The following MAP3K5 variants were observed in gnomAD, a reference collection of about 807,000 sequenced individuals.
MAP3K5 encodes the protein ASK-1.
In MAP3K5, 56 loss-of-function variants were observed where a neutral mutation model predicts 158.7. The ratio of observed to expected loss-of-function variants is 0.35; its 90% CI spans 0.28 to 0.44. The LOEUF is 0.44. MAP3K5 is among the 20% of genes least tolerant of loss of function. The probability of loss-of-function intolerance (pLI) is 1.00; values close to 1 mark genes in which losing one functional copy is unlikely to be tolerated. For missense variants in MAP3K5, 1,294 were observed against 1,674.8 expected, an observed-to-expected ratio of 0.77 and a Z score of 3.97; for synonymous variants, 579 against 601.7, an observed-to-expected ratio of 0.96 and a Z score of 0.55.
chr6:136,748,112 T>C (rs941423693), intron 1 of MAP3K5, among the ~76,000 whole-genome samples: 9 of 152,222 alleles, frequency 5.9e-5, no homozygotes, highest in African/African-American at 1.7e-4. Context: ...GAGTCATCTG[T>C]AGAGCTGTGA....
At chr6:136,732,757 A>G (rs1782283482) in intron 1 of MAP3K5, among the ~76,000 whole-genome samples, 1 of 152,226 alleles carries the variant, frequency 6.6e-6, no homozygotes, top group African/African-American at 2.4e-5. Context: ...TTACAACTAC[A>G]GCAACAGAAG....
chr6:136,709,586 A>G (rs1472902602), intron 2 of MAP3K5, among the ~76,000 whole-genome samples: 3 of 152,184 alleles, frequency 2.0e-5, no homozygotes, highest in South Asian at 4.1e-4. Flanking sequence ...GTACTGAGTG[A>G]GCAGAAGGCT....
chr6:136,571,378 A>G (rs1431479681), intron 25 of MAP3K5, among the ~76,000 whole-genome samples: 1 of 152,198 alleles, frequency 6.6e-6, no homozygotes, highest in Non-Finnish European at 1.5e-5. Context: ...CGGCAGGAGT[A>G]ATACAGCTGT....
intron 13 of MAP3K5, among the ~76,000 whole-genome samples, chr6:136,638,733 T>C (rs985142869): frequency 1.3e-5 from 2 of 152,176 alleles, no homozygotes; most frequent in South Asian, 4.1e-4. Context: ...CAACAAACAC[T>C]TTTCTTTTTC....
intron 11 of MAP3K5, among the ~76,000 whole-genome samples, chr6:136,643,478 A>G (rs1778089283): frequency 6.6e-6 from 1 of 152,172 alleles, no homozygotes; most frequent in Admixed American, 6.5e-5. Context: ...TTACCCACCC[A>G]CTGCCAGGAG....
intron 7 of MAP3K5, among the ~76,000 whole-genome samples, chr6:136,691,345 T>C (rs181608589): frequency 6.6e-6 from 1 of 152,288 alleles, no homozygotes; most frequent in East Asian, 1.9e-4. Context: ...GCACGGTGGC[T>C]CACACCTGTA....
chr6:136,658,313 C>CTTTTTTTTTTTTT (rs57535051), intron 9 of MAP3K5, among the ~76,000 whole-genome samples: 7 of 90,480 alleles, frequency 7.7e-5, no homozygotes, highest in Admixed American at 3.0e-4. Flanking sequence ...TTCTTTCTTT[C>CTTTTTTTTTTTTT]TTTTTTTTTT....
rs368249975 is a variant in MAP3K5 at position 136,745,484 on chromosome 6, G to C, written c.449-24895C>G. Among the ~76,000 whole-genome samples, 33 of 152,288 alleles carry C rather than the reference G, an allele frequency of 2.2e-4. 1 individual carries two copies. Among genetic ancestry groups the C allele is most frequent in the Admixed American group, 9.1e-4 (14 of 15,308 alleles). ...CCCTGCCTCTGGCTGCTGTGGCAGG[G>C]AGGAGGATGCTGGGAACGCTCCCCA... On this transcript the variant is annotated intron_variant, in intron 1 of 29. Transcript: ENST00000359015.
At chr6:136,761,561 G>T (rs1274483083) in intron 1 of MAP3K5, among the ~76,000 whole-genome samples, 1 of 152,126 alleles carries the variant, frequency 6.6e-6, no homozygotes, top group African/African-American at 2.4e-5. Flanking sequence ...AGGGGAAAAT[G>T]GGAAAATAAG....
At chr6:136,698,726 G>A in intron 3 of MAP3K5, 44 bp from the exon 4 acceptor site, 1 of 1,413,842 alleles carries the variant, frequency 7.1e-7, no homozygotes, top group Non-Finnish European at 9.9e-7. Flanking sequence ...CTGGCCTGGA[G>A]ACACGGCACA....
chr6:136,753,651 T>G (rs531628390), intron 1 of MAP3K5, among the ~76,000 whole-genome samples: 1 of 152,354 alleles, frequency 6.6e-6, no homozygotes, highest in East Asian at 1.9e-4. Context: ...TGAATGCTTA[T>G]TCACTCTCCA....
chr6:136,725,048 G>C (rs1781908968), intron 1 of MAP3K5, among the ~76,000 whole-genome samples: 1 of 152,106 alleles, frequency 6.6e-6, no homozygotes, highest in Non-Finnish European at 1.5e-5. Flanking sequence ...TAGCCTTTTG[G>C]GTTTGGCTTC....
chr6:136,628,180 T>C (rs1045033055), intron 14 of MAP3K5, among the ~76,000 whole-genome samples: 2 of 152,048 alleles, frequency 1.3e-5, no homozygotes, highest in African/African-American at 4.8e-5. Context: ...GGTGCCATCA[T>C]AGCTCATTGC....
chr6:136,627,804 A>G (rs1583296765), intron 14 of MAP3K5, among the ~76,000 whole-genome samples: 1 of 152,288 alleles, frequency 6.6e-6, no homozygotes, highest in East Asian at 1.9e-4. Flanking sequence ...TACCCAGCCT[A>G]AGGCATTTTG....
intron 19 of MAP3K5, among the ~76,000 whole-genome samples, 162 bp from the exon 20 acceptor site, chr6:136,602,141 G>C (rs555892639): frequency 2.0e-5 from 3 of 152,134 alleles, no homozygotes; most frequent in African/African-American, 7.2e-5. Flanking sequence ...TTTGCTGCAG[G>C]TTATAGAAGA....
intron 11 of MAP3K5, among the ~76,000 whole-genome samples, chr6:136,644,131 T>C (rs1187840645): frequency 6.6e-6 from 1 of 152,152 alleles, no homozygotes; most frequent in African/African-American, 2.4e-5. Flanking sequence ...CTTCTATCAG[T>C]CCTTTTCTGG....
intron 1 of MAP3K5, among the ~76,000 whole-genome samples, chr6:136,730,044 C>T (rs966083542): frequency 6.6e-6 from 1 of 152,226 alleles, no homozygotes; most frequent in Non-Finnish European, 1.5e-5. Context: ...GCAATCACGG[C>T]TCACTGCAGC....
chr6:136,563,765 T>C (rs903940413), intron 26 of MAP3K5, among the ~76,000 whole-genome samples: 3 of 152,242 alleles, frequency 2.0e-5, no homozygotes, highest in Non-Finnish European at 2.9e-5. Flanking sequence ...TTTAGAAAAG[T>C]ATCTTAATGT....
At chr6:136,704,781 C>T (rs7748629) in intron 3 of MAP3K5, among the ~76,000 whole-genome samples, 10 of 151,632 alleles carry the variant, frequency 6.6e-5, no homozygotes, top group Admixed American at 3.3e-4. Flanking sequence ...CCTGACCTCA[C>T]GTGATCTGCC....
Sources: allele counts gnomAD v4.1 joint callset (sites outside exome capture counted in the v4.1 genomes callset), GRCh38; gene constraint gnomAD v4.1.1; transcripts MANE v1.5; gene names NCBI Gene and HGNC (gene_info 2026-07-23, HGNC 2026-07-21).